Variants in AKR1C3 observed in about 807,000 individuals in gnomAD.
AKR1C3 encodes the protein 3-alpha hydroxysteroid dehydrogenase, type II.
Under a neutral mutation model 43.6 loss-of-function variants are expected in AKR1C3, and 48 were observed. The ratio of observed to expected loss-of-function variants is 1.10; its 90% confidence interval spans 0.87 to 1.40. The LOEUF (loss-of-function observed/expected upper bound fraction) is 1.40. AKR1C3 is among the 40% of genes most tolerant of loss of function. The pLI, the probability that AKR1C3 is intolerant of heterozygous loss-of-function variation, is 0.00. For missense variants in AKR1C3, 482 were observed against 391.2 expected (o/e 1.23, Z -1.96); for synonymous variants, 162 against 139.6 (o/e 1.16, Z -1.13).
At chr10:5,092,188 G>A (rs1165898216), upstream of AKR1C3, among the ~76,000 whole-genome samples, 1 of 152,040 alleles carries the variant, frequency 6.6e-6, no homozygotes, top group Non-Finnish European at 1.5e-5. Context: ...ACATAATACA[G>A]AGTTATGTTT....
Position 5,078,194 on chromosome 10 carries a change from C to T in AKR1C3, c.85-18216C>T, listed in dbSNP as rs116740873. The stretch of plus-strand genomic sequence containing the variant: ...ATCCTAACATTTTGGGCGGCTGATG[C>T]GGGTGGATCACTTGAGGTTGGGAGT... On this transcript the variant is annotated intron_variant, in intron 1 of 8. Coordinates refer to the AKR1C3 transcript ENST00000439082. Among the ~76,000 whole-genome samples the T allele has an allele frequency of 3.5e-3, 530 of 152,248 alleles. 5 individuals carry two copies. Among genetic ancestry groups the T allele is most frequent in the African/African-American group, 0.012 (488 of 41,542 alleles).
intron 7 of AKR1C3, among the ~76,000 whole-genome samples, chr10:5,103,257 C>A (rs7091485): frequency 1.3e-5 from 2 of 152,022 alleles, no homozygotes; most frequent in Admixed American, 6.6e-5. Context: ...GTGGATTTTT[C>A]ATTTCCATTT....
In AKR1C3 at chr10:5,104,024, ATTTAGATGTATTAT is replaced by A. The variant is rs377090278; in HGVS notation, c.846+1376_846+1389del. 9.2e-4 allele frequency among the ~76,000 whole-genome samples: 140 copies of A among 152,180 alleles called. 1 individual carries two copies. Among genetic ancestry groups the A allele is most frequent in the African/African-American group, 3.3e-3 (139 of 41,532 alleles). ...TATTCTGGGTATTAATCGTTTAGAGATTTAGATGTATTATTGAAGTACCACCTCCCAAATTGCAT... is the reference window on the plus strand; with the variant it reads ...TATTCTGGGTATTAATCGTTTAGAGATGAAGTACCACCTCCCAAATTGCAT... On this transcript the variant is annotated intron_variant, in intron 7 of 8. Transcript: ENST00000380554.
intron 1 of AKR1C3, among the ~76,000 whole-genome samples, chr10:5,086,200 CTTGTGGGCA>C (rs1554783060): frequency 6.6e-6 from 1 of 151,728 alleles, no homozygotes; most frequent in African/African-American, 2.4e-5. Context: ...CCTGCTTTGT[CTTGTGGGCA>C]TTTAGTGCTA....
intron 8 of AKR1C3, among the ~76,000 whole-genome samples, 197 bp downstream of exon 8, chr10:5,105,874 T>C (rs1429002661): frequency 2.0e-5 from 3 of 152,188 alleles, no homozygotes; most frequent in Non-Finnish European, 4.4e-5. Context: ...TGGGTCAACC[T>C]GTGCCTCTGC....
chr10:5,100,479 T>C (rs1554785785), intron 5 of AKR1C3, among the ~76,000 whole-genome samples: 1 of 152,010 alleles, frequency 6.6e-6, no homozygotes, highest in African/African-American at 2.4e-5. Context: ...CATGGTTTTT[T>C]CATAGCTTAG....
At chr10:5,075,756 C>G (rs1466464654) in intron 1 of AKR1C3, among the ~76,000 whole-genome samples, 2 of 152,098 alleles carry the variant, frequency 1.3e-5, no homozygotes, top group African/African-American at 4.8e-5. Context: ...TGCCTCCTAT[C>G]CCACCTACTC....
upstream of AKR1C3, among the ~76,000 whole-genome samples, chr10:5,090,795 T>C (rs934305393): frequency 6.6e-6 from 1 of 152,062 alleles, no homozygotes; most frequent in Non-Finnish European, 1.5e-5. Flanking sequence ...TGGAATGGCA[T>C]GTATGAGGAA....
intron 8 of AKR1C3, among the ~76,000 whole-genome samples, chr10:5,106,923 A>AAAAGGAAACCATGT (rs1839516341): frequency 1.3e-5 from 2 of 151,862 alleles, no homozygotes; most frequent in Admixed American, 6.6e-5. Flanking sequence ...TAAATAAAAA[A>AAAAGGAAACCATGT]AGGAAACCAT....
intron 1 of AKR1C3, among the ~76,000 whole-genome samples, chr10:5,087,376 C>CT (rs1564364889): frequency 1.3e-4 from 6 of 45,374 alleles, no homozygotes; most frequent in African/African-American, 4.7e-4. Flanking sequence ...TTTATCATTT[C>CT]TTTCTTTTTT....
At chr10:5,060,774 G>C (rs1428755652) in intron 1 of AKR1C3, among the ~76,000 whole-genome samples, 2 of 135,334 alleles carry the variant, frequency 1.5e-5, no homozygotes, top group Non-Finnish European at 3.2e-5. Context: ...CTGCACAGGA[G>C]CCCACAGAGG....
chr10:5,059,572 G>A (rs1554779997), intron 1 of AKR1C3, among the ~76,000 whole-genome samples: 2 of 152,164 alleles, frequency 1.3e-5, no homozygotes, highest in South Asian at 4.1e-4. Context: ...GAAGAGTCGG[G>A]GGTTGTTAGC....
intron 1 of AKR1C3, among the ~76,000 whole-genome samples, chr10:5,076,105 A>G (rs1161568906): frequency 1.3e-5 from 2 of 152,184 alleles, no homozygotes; most frequent in Non-Finnish European, 2.9e-5. Flanking sequence ...GGTTGCAAAC[A>G]CACAAAACAC....
At chr10:5,106,407 G>A (rs1200931777) in intron 8 of AKR1C3, among the ~76,000 whole-genome samples, 3 of 152,120 alleles carry the variant, frequency 2.0e-5, no homozygotes, top group African/African-American at 7.2e-5. Context: ...TTCCTTCATG[G>A]TCTAAGGTTC....
chr10:5,073,468 A>G (rs1554781512), intron 1 of AKR1C3, among the ~76,000 whole-genome samples: 1 of 152,172 alleles, frequency 6.6e-6, no homozygotes, highest in Non-Finnish European at 1.5e-5. Context: ...TGGAAGACAT[A>G]GAACAACCCT....
chr10:5,053,978 C>T (rs527279461), intron 1 of AKR1C3, among the ~76,000 whole-genome samples: 9 of 152,288 alleles, frequency 5.9e-5, no homozygotes, highest in East Asian at 1.9e-4. Flanking sequence ...ATGGCTGCCA[C>T]GGGACCTAGA....
intron 7 of AKR1C3, among the ~76,000 whole-genome samples, chr10:5,104,029 G>A (rs1278666219): frequency 6.6e-6 from 1 of 151,798 alleles, no homozygotes; most frequent in Non-Finnish European, 1.5e-5. Flanking sequence ...TAGAGATTTA[G>A]ATGTATTATT....
At chr10:5,051,914 TTTTC>T (rs1349504391) in intron 1 of AKR1C3, among the ~76,000 whole-genome samples, 1 of 152,222 alleles carries the variant, frequency 6.6e-6, no homozygotes, top group African/African-American at 2.4e-5. Context: ...TTATTGTATG[TTTTC>T]TTTCTTTCTG....
chr10:5,100,510 C>T (rs1450737331), intron 5 of AKR1C3, among the ~76,000 whole-genome samples: 2 of 151,952 alleles, frequency 1.3e-5, no homozygotes, highest in African/African-American at 4.8e-5. Context: ...TTTTTTCCCC[C>T]TGAGTTATTG....
Sources: gnomAD v4.1 joint callset for allele counts (sites outside exome capture counted in the v4.1 genomes callset) on GRCh38, gnomAD v4.1.1 for gene constraint, MANE v1.5 for transcripts, NCBI Gene and HGNC (gene_info 2026-07-23, HGNC 2026-07-21) for gene names.